Variants in NEGR1 observed in about 807,000 individuals in gnomAD.
NEGR1 encodes the protein neuronal growth regulator 1, also known as IgLON family member 4.
NEGR1 carries 10 observed loss-of-function variants against 40.9 expected under a neutral mutation model. That is an observed-to-expected ratio of 0.24 (90% CI 0.15 to 0.42). The LOEUF is 0.42. NEGR1 is among the 10% of genes least tolerant of loss of function. The probability of loss-of-function intolerance (pLI) is 1.00; values close to 1 mark genes in which losing one functional copy is unlikely to be tolerated. For synonymous variants in NEGR1, 185 were observed against 166.8 expected (o/e 1.11, Z -0.84); for missense variants, 352 against 438.9 (o/e 0.80, Z 1.77).
chr1:71,878,518 C>CCT, intron 2 of NEGR1, among the ~76,000 whole-genome samples: 1 of 152,116 alleles, frequency 6.6e-6, no homozygotes, highest in African/African-American at 2.4e-5. Flanking sequence ...ACAACAAAAT[C>CCT]AAATTATTTC....
chr1:72,011,459 G>C (rs1165448478), intron 1 of NEGR1, among the ~76,000 whole-genome samples: 1 of 152,110 alleles, frequency 6.6e-6, no homozygotes, highest in Non-Finnish European at 1.5e-5. Context: ...GAAACTTGGA[G>C]GGTTCAAAGA....
chr1:72,212,084 C>T (rs767746327), intron 1 of NEGR1, among the ~76,000 whole-genome samples: 5 of 151,914 alleles, frequency 3.3e-5, no homozygotes, highest in Admixed American at 1.3e-4. Flanking sequence ...TGATTCCTGC[C>T]AATCACCTTG....
At chr1:72,025,297 T>C (rs1271759913) in intron 1 of NEGR1, among the ~76,000 whole-genome samples, 1 of 152,168 alleles carries the variant, frequency 6.6e-6, no homozygotes, top group Non-Finnish European at 1.5e-5. Context: ...TGAGTTTTAT[T>C]CTGAAGCCAA....
rs1359130850 is a variant in NEGR1 at position 71,982,383 on chromosome 1, T to C, written c.177-47072A>G. ...TAGCTCTCTTTGGTCTAACTATCAT[T>C]TGGCATAGCACAGTGGACACAGCAT... On this transcript the variant is annotated intron_variant, in intron 1 of 6. Coordinates refer to ENST00000357731, the MANE Select transcript of NEGR1 (RefSeq NM_173808.3). Among the ~76,000 whole-genome samples, 2 of 152,114 alleles carry C rather than the reference T, an allele frequency of 1.3e-5. 1 individual carries two copies. The highest frequency in any genetic ancestry group is 2.9e-5 in the Non-Finnish European group (2 of 68,004).
chr1:72,073,229 G>A (rs562838834), intron 1 of NEGR1, among the ~76,000 whole-genome samples: 57 of 152,158 alleles, frequency 3.7e-4, no homozygotes, highest in African/African-American at 1.3e-3. Context: ...TCTGAGGATC[G>A]ATCAATAGAT....
At chr1:71,615,348 A>T (rs1570109203) in intron 4 of NEGR1, among the ~76,000 whole-genome samples, 1 of 152,242 alleles carries the variant, frequency 6.6e-6, no homozygotes, top group East Asian at 1.9e-4. Context: ...CTAAGACGAA[A>T]ACAGAGCAGG....
intron 1 of NEGR1, among the ~76,000 whole-genome samples, chr1:72,018,026 G>T (rs1210168305): frequency 6.6e-6 from 1 of 152,054 alleles, no homozygotes; most frequent in Non-Finnish European, 1.5e-5. Flanking sequence ...TGATTTCCAA[G>T]AGTCTAGGAT....
chr1:72,273,385 T>C (rs749220407), intron 1 of NEGR1, among the ~76,000 whole-genome samples: 19 of 151,946 alleles, frequency 1.3e-4, no homozygotes, highest in Non-Finnish European at 2.5e-4. Context: ...GAGGTCACAA[T>C]AGACATTTTG....
chr1:71,741,832 A>G (rs981515502), intron 3 of NEGR1, among the ~76,000 whole-genome samples: 1 of 152,176 alleles, frequency 6.6e-6, no homozygotes, highest in Non-Finnish European at 1.5e-5. Flanking sequence ...GACACTTTAC[A>G]TGGCTAGAGC....
chr1:72,139,128 A>G (rs1261711792), intron 1 of NEGR1, among the ~76,000 whole-genome samples: 1 of 151,866 alleles, frequency 6.6e-6, no homozygotes, highest in African/African-American at 2.4e-5. Flanking sequence ...TGAATTACAA[A>G]TGTTTCCAAT....
At chr1:71,625,636 T>C (rs530322293) in intron 4 of NEGR1, among the ~76,000 whole-genome samples, 4 of 151,448 alleles carry the variant, frequency 2.6e-5, no homozygotes, top group Admixed American at 2.0e-4. Context: ...TGAATGAATA[T>C]ATGTGTTTAG....
At chr1:71,976,480 T>C (rs1389021978) in intron 1 of NEGR1, among the ~76,000 whole-genome samples, 1 of 152,230 alleles carries the variant, frequency 6.6e-6, no homozygotes, top group Non-Finnish European at 1.5e-5. Context: ...ATGCAGGGTT[T>C]CCATTCCATT....
At chr1:71,725,592 A>G (rs2101657924) in intron 3 of NEGR1, among the ~76,000 whole-genome samples, 1 of 152,020 alleles carries the variant, frequency 6.6e-6, no homozygotes, top group African/African-American at 2.4e-5. Flanking sequence ...TTTCAAATTA[A>G]AAAAAATACT....
At chr1:71,482,698 T>A (rs997090051) in intron 6 of NEGR1, among the ~76,000 whole-genome samples, 1 of 151,880 alleles carries the variant, frequency 6.6e-6, no homozygotes, top group Non-Finnish European at 1.5e-5. Flanking sequence ...GTAAGGCAAA[T>A]AGAAGTTATT....
At chr1:71,868,331 G>C (rs146334272) in intron 2 of NEGR1, among the ~76,000 whole-genome samples, 85 of 152,010 alleles carry the variant, frequency 5.6e-4, no homozygotes, top group African/African-American at 1.6e-3. Context: ...CCTTTTAAGT[G>C]GCCATTCCAA....
At chr1:71,778,186 T>A (rs7537419) in intron 2 of NEGR1, among the ~76,000 whole-genome samples, 1 of 151,394 alleles carries the variant, frequency 6.6e-6, no homozygotes, top group African/African-American at 2.4e-5. Context: ...TATATATATA[T>A]AGAGAGAGAG....
intron 1 of NEGR1, among the ~76,000 whole-genome samples, chr1:71,968,705 CTCTGA>C (rs1294977548): frequency 6.6e-6 from 1 of 152,182 alleles, no homozygotes; most frequent in African/African-American, 2.4e-5. Flanking sequence ...TCCTCTGTAA[CTCTGA>C]TCTATTATTT....
intron 3 of NEGR1, among the ~76,000 whole-genome samples, chr1:71,756,573 T>G (rs928466543): frequency 6.6e-6 from 1 of 152,090 alleles, no homozygotes; most frequent in Non-Finnish European, 1.5e-5. Flanking sequence ...AATACCCAGT[T>G]GTAATCAACT....
intron 6 of NEGR1, among the ~76,000 whole-genome samples, chr1:71,430,515 C>T (rs934372681): frequency 6.6e-6 from 1 of 151,982 alleles, no homozygotes; most frequent in Admixed American, 6.6e-5. Flanking sequence ...CCACTCAAAA[C>T]CCTTAGATTA....
Sources: gnomAD v4.1 joint callset for allele counts (sites outside exome capture counted in the v4.1 genomes callset) on GRCh38, gnomAD v4.1.1 for gene constraint, MANE v1.5 for transcripts, NCBI Gene and HGNC (gene_info 2026-07-23, HGNC 2026-07-21) for gene names.